TEK: variants seen among roughly 807,000 people sequenced by gnomAD.
TEK encodes the protein TEK receptor tyrosine kinase.
TEK carries 43 observed loss-of-function variants against 131.8 expected under a neutral mutation model. The observed-to-expected ratio is 0.33, with a 90% CI of 0.26 to 0.42. The LOEUF (loss-of-function observed/expected upper bound fraction) is 0.42, where lower values mean the gene tolerates loss of function less well. Ranked by LOEUF, TEK falls within the 10% of genes least tolerant of loss-of-function variation. TEK has a pLI of 1.00. For synonymous variants in TEK, 580 were observed against 491.6 expected, an observed-to-expected ratio of 1.18 and a Z score of -2.38; for missense variants, 1,162 against 1,384.4, an observed-to-expected ratio of 0.84 and a Z score of 2.55.
chr9:27,180,260 G>C lies in TEK; in HGVS notation c.922G>C (p.Gly308Arg). 6.2e-7 allele frequency: 1 copy of C among 1,613,706 alleles called. No homozygotes were observed. The highest frequency in any genetic ancestry group is 8.5e-7 in the Non-Finnish European group (1 of 1,179,814). ...CNEACHPGFY[G>R]PDCKLRCSCN... ...TACAGCATGCCACCCTGGTTTTTAC[G>C]GGCCAGATTGTAAGCTTAGGTGCAG... is the stretch of plus-strand genomic sequence containing the variant. The change falls in exon 7 of 23, where the codon GGG (glycine) becomes CGG (arginine). Residue 308 changes from glycine to arginine, a missense_variant. Coordinates refer to ENST00000380036, the MANE Select transcript of TEK (RefSeq NM_000459.5).
intron 18 of TEK, 37 bp from the exon 19 acceptor site, chr9:27,217,651 G>A (rs540434560): frequency 6.2e-7 from 1 of 1,603,582 alleles, no homozygotes; most frequent in South Asian, 1.1e-5. Context: ...TAAAGACCCT[G>A]TCCCAGTTAA....
At chr9:27,119,275 A>G (rs1017402323) in intron 1 of TEK, among the ~76,000 whole-genome samples, 11 of 152,154 alleles carry the variant, frequency 7.2e-5, no homozygotes, top group African/African-American at 2.7e-4. Context: ...TTCCTAGAAA[A>G]TGAAGGTAAC....
intron 1 of TEK, among the ~76,000 whole-genome samples, chr9:27,115,811 G>A (rs1821534105): frequency 6.6e-6 from 1 of 152,214 alleles, no homozygotes; most frequent in South Asian, 2.1e-4. Flanking sequence ...GCTTAAGGAA[G>A]CTGAGTGAAG....
At chr9:27,169,678 T>A in intron 4 of TEK, 49 bp downstream of exon 4, 1 of 1,611,884 alleles carries the variant, frequency 6.2e-7, no homozygotes, top group Non-Finnish European at 8.5e-7. Context: ...TGTTAGGTTG[T>A]TAGGATTTTT....
intron 1 of TEK, among the ~76,000 whole-genome samples, chr9:27,115,655 T>C (rs1821526169): frequency 6.6e-6 from 1 of 152,204 alleles, no homozygotes; most frequent in Non-Finnish European, 1.5e-5. Context: ...TAAATAGTTG[T>C]GAATATTGCC....
chr9:27,202,775 A>G (rs1445059322), intron 12 of TEK, 45 bp from the exon 13 acceptor site: 7 of 1,580,764 alleles, frequency 4.4e-6, no homozygotes, highest in East Asian at 2.2e-5. Context: ...GATCTAGGCC[A>G]TGGTAGTATA....
Position 27,151,995 on chromosome 9 carries a change from G to A in TEK, c.53-5836G>A, listed in dbSNP as rs111409298. 8.5e-3 allele frequency among the ~76,000 whole-genome samples: 1,294 copies of A among 152,256 alleles called. 25 individuals are homozygous for A. The highest frequency in any genetic ancestry group is 0.03 in the African/African-American group (1,227 of 41,546). Reference sequence around the variant, plus strand: ...TAATTCCAGAAATGCTTTTGACTCAGACCTTTTCAGTTCATTGCCAGTTCC... The same window carrying A: ...TAATTCCAGAAATGCTTTTGACTCAAACCTTTTCAGTTCATTGCCAGTTCC... On this transcript the variant is annotated intron_variant, in intron 1 of 22. Coordinates refer to ENST00000380036, the MANE Select transcript of TEK (RefSeq NM_000459.5).
At chr9:27,200,070 C>G (rs1013699022) in intron 12 of TEK, among the ~76,000 whole-genome samples, 1 of 152,034 alleles carries the variant, frequency 6.6e-6, no homozygotes, top group African/African-American at 2.4e-5. Flanking sequence ...CTTATTTATT[C>G]ACATATGGCA....
intron 4 of TEK, among the ~76,000 whole-genome samples, chr9:27,171,419 C>G (rs1423961645): frequency 6.6e-6 from 1 of 152,174 alleles, no homozygotes; most frequent in African/African-American, 2.4e-5. Context: ...GTTGAGAATA[C>G]AGGATCATAA....
At chr9:27,173,193 C>T in intron 5 of TEK, 29 bp from the exon 6 acceptor site, 1 of 1,613,824 alleles carries the variant, frequency 6.2e-7, no homozygotes, top group Middle Eastern at 1.7e-4. Flanking sequence ...ATATTTGACT[C>T]TGAATCATCT....
Position 27,168,618 on chromosome 9 carries a change from T to G in TEK, c.475+13T>G. The G allele has an allele frequency of 6.6e-7, 1 of 1,521,604 alleles. No individual in the cohort carries two copies. Among genetic ancestry groups the G allele is most frequent in the Non-Finnish European group, 9.1e-7 (1 of 1,097,200 alleles). The allele number at this position is 1,521,604 out of a possible 1,614,324, so 94.3% of individuals were successfully genotyped here. ...ATTTACAAAAATGGTGAGTATGTGT[T>G]TCATTGCTTTCCCCAGTATGATGTG... On this transcript the variant is annotated intron_variant, in intron 3 of 22. Coordinates refer to ENST00000380036, the MANE Select transcript of TEK (RefSeq NM_000459.5).
intron 1 of TEK, among the ~76,000 whole-genome samples, chr9:27,117,021 C>T (rs534057100): frequency 1.3e-5 from 2 of 151,320 alleles, no homozygotes; most frequent in East Asian, 4.0e-4. Flanking sequence ...GCCACCACGC[C>T]CAGCTAATTT....
At chr9:27,205,874 G>A (rs768766065) in intron 14 of TEK, among the ~76,000 whole-genome samples, 1 of 152,132 alleles carries the variant, frequency 6.6e-6, no homozygotes, top group Non-Finnish European at 1.5e-5. Context: ...TCCCTTCCAC[G>A]GAGGACAAGA....
Position 27,206,766 on chromosome 9 carries a change from T to C in TEK, c.2549T>C (p.Met850Thr). 1 of 1,614,090 alleles carries C rather than the reference T, an allele frequency of 6.2e-7. No homozygotes were observed. The highest frequency in any genetic ancestry group is 8.5e-7 in the Non-Finnish European group (1 of 1,179,972). ...CGCATCAAGAAGGATGGGTTACGGA[T>C]GGATGCTGCCATCAAAAGAATGAAA... ...KARIKKDGLR[M>T]DAAIKRMKEY... Residue 850 changes from methionine to threonine, a missense_variant, in exon 15 of 23, where the codon ATG (methionine) becomes ACG (threonine). By Grantham distance (81) the Met-to-Thr change is moderately conservative (BLOSUM62 -1). Around this residue, in one of 6 missense-constraint regions of TEK, gnomAD observed 57 missense variants for 100.8 expected, o/e 0.57. Transcript: ENST00000380036.
intron 1 of TEK, among the ~76,000 whole-genome samples, chr9:27,142,547 C>T (rs886985913): frequency 3.9e-5 from 6 of 152,138 alleles, no homozygotes; most frequent in African/African-American, 1.4e-4. Context: ...TGAGTTTTGG[C>T]AAGGAGGGTG....
chr9:27,229,141 C>G lies in TEK; in HGVS notation c.3301-17C>G. 1 of 1,612,926 alleles carries G rather than the reference C, an allele frequency of 6.2e-7. No individual in the cohort carries two copies. The highest frequency in any genetic ancestry group is 1.1e-5 in the South Asian group (1 of 91,066). On this transcript the variant is annotated splice_polypyrimidine_tract_variant and intron_variant, in intron 22 of 22. Coordinates refer to ENST00000380036, the MANE Select transcript of TEK (RefSeq NM_000459.5). ...ATCAAAGCAGCCTATGTCTCTGAAC[C>G]ATTTTCATTCTTCCAGACCTACGTG... is the stretch of plus-strand genomic sequence containing the variant.
At chr9:27,113,046 CT>C (rs1462333933) in intron 1 of TEK, among the ~76,000 whole-genome samples, 1 of 152,160 alleles carries the variant, frequency 6.6e-6, no homozygotes. Context: ...CTGAAATCTA[CT>C]GCTAAGAGCA....
At chr9:27,199,771 A>G (rs1484495762) in intron 12 of TEK, among the ~76,000 whole-genome samples, 1 of 152,182 alleles carries the variant, frequency 6.6e-6, no homozygotes, top group African/African-American at 2.4e-5. Flanking sequence ...TGTAATCTAA[A>G]TACTTTGTTA....
At position 27,197,328 on chromosome 9, in the gene TEK, A is replaced by C; in HGVS notation, c.1638A>C (p.Pro546=). The C allele has an allele frequency of 6.2e-7, 1 of 1,614,046 alleles. No individual in the cohort carries two copies. Among genetic ancestry groups the C allele is most frequent in the East Asian group, 2.2e-5 (1 of 44,880 alleles). ...GGATTCTCCTAGGACTCCCTCCTCC[A>C]AGAGGTCTAAATCTCCTGCCTAAAA... The part of the protein sequence containing the change: ...FTTASIGLPP[P]RGLNLLPKSQ... The change falls in exon 12 of 23, where the codon CCA becomes CCC. Residue 546 remains proline (P), a synonymous_variant. Transcript: ENST00000380036.
Sources: allele counts gnomAD v4.1 joint callset (sites outside exome capture counted in the v4.1 genomes callset), GRCh38; gene constraint gnomAD v4.1.1; regional missense constraint gnomAD v4.1.1; transcripts MANE v1.5; gene names NCBI Gene and HGNC (gene_info 2026-07-23, HGNC 2026-07-21).